IP6K3: variants seen among roughly 807,000 people sequenced by gnomAD.
IP6K3 encodes inositol hexakisphosphate kinase 3, also known as ATP:1D-myo-inositol-hexakisphosphate phosphotransferase.
IP6K3 carries 20 observed loss-of-function variants against 28.8 expected under a neutral mutation model. The ratio of observed to expected loss-of-function variants is 0.70; its 90% confidence interval spans 0.49 to 1.01. The LOEUF (loss-of-function observed/expected upper bound fraction) is 1.01. Ranked by LOEUF, IP6K3 falls within the 50% of genes least tolerant of loss-of-function variation. IP6K3 has a pLI of 0.00. For synonymous variants in IP6K3, 213 were observed against 221.3 expected, an observed-to-expected ratio of 0.96 and a Z score of 0.33; for missense variants, 480 against 537.1, an observed-to-expected ratio of 0.89 and a Z score of 1.05.
chr6:33,751,258 G>C (rs111491308), upstream of IP6K3, among the ~76,000 whole-genome samples: 360 of 152,318 alleles, frequency 2.4e-3, 1 homozygote, highest in African/African-American at 6.0e-3. This position sits in a 1 kb window ranked among gnomAD's most constrained non-coding sequence, Gnocchi z 4.3. Flanking sequence ...AGTTCAGGTC[G>C]TTGCATCAGA....
At position 33,721,881 on chromosome 6, in the gene IP6K3, C is replaced by T. The variant is rs1316252837; in HGVS notation, c.*839G>A. 6.6e-6 allele frequency: 1 copy of T among 152,534 alleles called. No homozygotes were observed. 9.4% of individuals were successfully genotyped at this position (152,534 alleles called of 1,614,324 possible). On this transcript the variant is annotated 3_prime_UTR_variant, in exon 6 of 6. Transcript: ENST00000293756. ...TCCAGGTTCTTCTGACTCCCCAACC[C>T]ACCCCCAAAATAAATAAATAGAAAG...
chr6:33,725,582 G>A lies in IP6K3; in HGVS notation c.624C>T (p.Tyr208=). Residue 208 remains tyrosine (Y), a synonymous_variant, in exon 5 of 6, where the codon TAC becomes TAT. Coordinates refer to ENST00000293756, the MANE Select transcript of IP6K3 (RefSeq NM_054111.5). The part of the protein sequence containing the change: ...FLLLENVVSQ[Y]THPCVLDLKM... ...TCAGATCCAGGACACAGGGATGCGTGTACTGTGACACTACATTTTCCAGCA... is the reference window on the plus strand; with the variant it reads ...TCAGATCCAGGACACAGGGATGCGTATACTGTGACACTACATTTTCCAGCA... 1 of 1,614,182 alleles carries A rather than the reference G, an allele frequency of 6.2e-7. No individual in the cohort carries two copies. The highest frequency in any genetic ancestry group is 8.5e-7 in the Non-Finnish European group (1 of 1,180,020).
chr6:33,754,789 G>A, the IP6K3 span, among the ~76,000 whole-genome samples: 3 of 152,220 alleles, frequency 2.0e-5, no homozygotes, highest in Non-Finnish European at 4.4e-5. Context: ...GGCGAGAGCA[G>A]GGGTTCAGAT....
chr6:33,741,539 G>T (rs791904), intron 1 of IP6K3, among the ~76,000 whole-genome samples: 2 of 151,472 alleles, frequency 1.3e-5, no homozygotes, highest in Non-Finnish European at 2.9e-5. Context: ...CCAGCTACTC[G>T]GGAGGCTGAG....
the IP6K3 span, among the ~76,000 whole-genome samples, chr6:33,755,691 C>G: frequency 2.6e-5 from 4 of 152,354 alleles, no homozygotes; most frequent in East Asian, 1.9e-4. Flanking sequence ...GGGGTCCCCC[C>G]CGCTGTGAGG....
At chr6:33,750,311 T>G (rs1376121685), upstream of IP6K3, among the ~76,000 whole-genome samples, 1 of 152,220 alleles carries the variant, frequency 6.6e-6, no homozygotes, top group Non-Finnish European at 1.5e-5. The surrounding 1 kb of genome is among the most constrained non-coding windows in gnomAD (Gnocchi z 4.3). Context: ...ACTTTGCTGC[T>G]TAATACTCTT....
rs1459316987 is a variant in IP6K3 at position 33,722,692 on chromosome 6, A to G, written c.*28T>C. On this transcript the variant is annotated 3_prime_UTR_variant, in exon 6 of 6. Transcript: ENST00000293756. ...GGTCTCTATTTGAGATCTATAGCCC[A>G]GAAGAATCCAGATAAGCCCAGGAAG... 2.0e-6 allele frequency: 3 copies of G among 1,494,572 alleles called. No homozygotes were observed. The highest frequency in any genetic ancestry group is 1.8e-5 in the Admixed American group (1 of 55,826). The allele number at this position is 1,494,572 out of a possible 1,614,324, so 92.6% of individuals were successfully genotyped here.
chr6:33,735,561 C>T lies in IP6K3; in HGVS notation c.-85G>A, dbSNP rs577922500. 181 of 1,543,412 alleles carry T rather than the reference C, an allele frequency of 1.2e-4. 1 individual carries two copies. In the Admixed American group the frequency reaches 1.2e-3, roughly 11 times the overall value. Reference sequence around the variant, plus strand: ...AGAAAGGGCAGCTCCCAACAGCACACGGGGCTGTCAGCGGTCCTCAACTTT... The same window carrying T: ...AGAAAGGGCAGCTCCCAACAGCACATGGGGCTGTCAGCGGTCCTCAACTTT... On this transcript the variant is annotated 5_prime_UTR_variant, in exon 2 of 6. The change creates a new upstream start codon in the 5' untranslated region. Transcript: ENST00000293756.
the IP6K3 span, among the ~76,000 whole-genome samples, chr6:33,752,865 C>T: frequency 6.6e-6 from 1 of 152,186 alleles, no homozygotes; most frequent in Non-Finnish European, 1.5e-5. Flanking sequence ...GTGATGTTTC[C>T]ATGATATAAT....
At chr6:33,735,185 C>T in intron 2 of IP6K3, 93 bp downstream of exon 2, 1 of 1,087,690 alleles carries the variant, frequency 9.2e-7, no homozygotes, top group South Asian at 1.4e-5. Flanking sequence ...CCCTTACACA[C>T]ACCCACACCA....
At position 33,735,392 on chromosome 6, in the gene IP6K3, T is replaced by TG. The variant is rs773089205; in HGVS notation, c.84dup (p.Met29HisfsTer7). ...TGCTCGTCATACTTCATCACGCTCATGTGCCCCCCGACCTGGTGCAGGAAG... is the reference window on the plus strand; with the variant it reads ...TGCTCGTCATACTTCATCACGCTCATGGTGCCCCCCGACCTGGTGCAGGAAG... On this transcript the variant is annotated frameshift_variant, in exon 2 of 6. Transcript: ENST00000293756. LOFTEE classifies it high-confidence loss of function. The TG allele has an allele frequency of 1.0e-5, 16 of 1,607,218 alleles. No homozygotes were observed. In the South Asian group the frequency reaches 1.7e-4, roughly 17 times the overall value.
rs55687422 is a variant in IP6K3 at position 33,744,973 on chromosome 6, G to T, written c.-180+1785C>A. Among the ~76,000 whole-genome samples, 14,482 of 152,260 alleles carry T rather than the reference G, an allele frequency of 0.095. 895 individuals are homozygous for T. Among genetic ancestry groups the T allele is most frequent in the African/African-American group, 0.17 (6,903 of 41,546 alleles). On this transcript the variant is annotated intron_variant, in intron 1 of 5. Transcript: ENST00000293756. The surrounding 1 kb of genome is among the most constrained non-coding windows in gnomAD (Gnocchi z 4.4). ...GATCTCCACCCCATCTGTCCATCCC[G>T]CCCAGGCTGTGGCACCCTGGTGGGT...
chr6:33,739,323 G>A (rs940763493), intron 1 of IP6K3: 2 of 152,148 alleles, frequency 1.3e-5, no homozygotes, highest in Non-Finnish European at 2.9e-5. Flanking sequence ...CTTTCTCTTG[G>A]GGGTCAGCCT....
chr6:33,755,716 C>T, the IP6K3 span, among the ~76,000 whole-genome samples: 1,547 of 152,352 alleles, frequency 0.01, 30 homozygotes, highest in African/African-American at 0.034. Context: ...GGGGAGACAT[C>T]GCCACATCTA....
chr6:33,725,403 G>A lies in IP6K3; in HGVS notation c.765+38C>T, dbSNP rs751781846. On this transcript the variant is annotated intron_variant, in intron 5 of 5. Transcript: ENST00000293756. ...ATCCTTGCCCCACCGTGGACGTGCC[G>A]GGATGTCCCCCCCTGTGGTGGGTCC... The A allele has an allele frequency of 8.2e-6, 13 of 1,577,462 alleles. No homozygotes were observed. The East Asian group carries it at 1.1e-4, about 14-fold the overall frequency.
the IP6K3 span, among the ~76,000 whole-genome samples, chr6:33,752,029 T>C: frequency 6.6e-6 from 1 of 152,120 alleles, no homozygotes; most frequent in South Asian, 2.1e-4. Context: ...GGAAAAGATA[T>C]CCCTGCTGAG....
chr6:33,756,075 G>C, the IP6K3 span, among the ~76,000 whole-genome samples: 1 of 152,164 alleles, frequency 6.6e-6, no homozygotes, highest in Non-Finnish European at 1.5e-5. Context: ...TGTTGGTCAG[G>C]CTGGTCTCGA....
At chr6:33,733,234 A>G (rs1225668111) in intron 2 of IP6K3, among the ~76,000 whole-genome samples, 2 of 152,270 alleles carry the variant, frequency 1.3e-5, no homozygotes, top group African/African-American at 4.8e-5. Context: ...GGATACAATT[A>G]GCTCTGACGC....
Position 33,744,194 on chromosome 6 carries a change from T to C in IP6K3, c.-180+2564A>G, listed in dbSNP as rs984429977. Among the ~76,000 whole-genome samples the C allele has an allele frequency of 6.6e-6, 1 of 152,176 alleles. No homozygotes were observed. The highest frequency in any genetic ancestry group is 1.5e-5 in the Non-Finnish European group (1 of 68,028). ...CTGCTTTGACAGCCCCTCCCAGCCA[T>C]GCTTTTCTCCTCCGGACTTTGCCTC... On this transcript the variant is annotated intron_variant, in intron 1 of 5. Transcript: ENST00000293756. This position sits in a 1 kb window ranked among gnomAD's most constrained non-coding sequence, Gnocchi z 4.4.
Sources: gnomAD v4.1 joint callset for allele counts (sites outside exome capture counted in the v4.1 genomes callset) on GRCh38, gnomAD v4.1.1 for gene constraint, Gnocchi (gnomAD v3.1) non-coding constraint, MANE v1.5 for transcripts, NCBI Gene and HGNC (gene_info 2026-07-23, HGNC 2026-07-21) for gene names.